EP400: variants seen among roughly 807,000 people sequenced by gnomAD.
The protein encoded by EP400 is E1A binding protein p400, also known as E1A-binding protein p400.
A neutral mutation model predicts 354.1 loss-of-function variants in EP400; 105 were observed. The observed-to-expected ratio is 0.30, with a 90% CI of 0.25 to 0.35. The LOEUF is 0.35. Ranked by LOEUF, EP400 falls within the 10% of genes least tolerant of loss-of-function variation. The pLI is 1.00. For synonymous variants in EP400, 1,646 were observed against 1,716.9 expected (o/e 0.96, Z 1.02); for missense variants, 3,280 against 4,121.0 (o/e 0.80, Z 5.59).
intron 39 of EP400, among the ~76,000 whole-genome samples, chr12:132,047,904 C>T (rs1008088760): frequency 1.2e-4 from 18 of 152,172 alleles, no homozygotes; most frequent in African/African-American, 2.7e-4. Context: ...CCCTCAGAGA[C>T]GCATTCTCTT....
intron 30 of EP400, among the ~76,000 whole-genome samples, 184 bp from the exon 31 acceptor site, chr12:132,037,498 C>T (rs879668625): frequency 1.2e-4 from 19 of 152,102 alleles, no homozygotes; most frequent in Non-Finnish European, 1.8e-4. Context: ...CTCTGGGAGG[C>T]GGGAGAGCTA....
chr12:132,047,664 A>C (rs1172449898), intron 39 of EP400, among the ~76,000 whole-genome samples: 1 of 152,268 alleles, frequency 6.6e-6, no homozygotes. Context: ...CCACAGGACC[A>C]GGGCGAAATT....
In EP400 at chr12:132,045,574, G is replaced by C. The variant is rs749024942; in HGVS notation, c.7026+14G>C. On this transcript the variant is annotated intron_variant, in intron 38 of 52. Coordinates refer to ENST00000389561, the MANE Select transcript of EP400 (RefSeq NM_015409.5). ...GCGCTGCTGCAGGTAGGTGGGCGTG[G>C]TCTTTGTGCCAGCGGTCATGTGCGG... 9.4e-5 allele frequency: 152 copies of C among 1,613,066 alleles called. 2 individuals are homozygous for C. The Admixed American group carries it at 1.3e-3, about 14-fold the overall frequency.
Position 132,029,737 on chromosome 12 carries a change from C to T in EP400, c.5418C>T (p.Pro1806=), listed in dbSNP as rs754786193. Residue 1806 remains proline (P), a synonymous_variant, in exon 28 of 53, where the codon CCC becomes CCT. Transcript: ENST00000389561. The surrounding 1 kb of genome is among the most constrained non-coding windows in gnomAD (Gnocchi z 4.7). ...TGATTCCTCCGGTGGTGGCAGCACC[C>T]CCGTCCCTACGGGTGCCGCGGCCGC... is the stretch of plus-strand genomic sequence containing the variant. ...AFVIPPVVAA[P]PSLRVPRPPP... The T allele has an allele frequency of 6.8e-6, 11 of 1,613,136 alleles. No individual in the cohort carries two copies. The highest frequency in any genetic ancestry group is 1.1e-5 in the South Asian group (1 of 91,062).
intron 10 of EP400, among the ~76,000 whole-genome samples, chr12:131,991,884 G>A (rs1343445865): frequency 2.0e-5 from 3 of 152,260 alleles, no homozygotes; most frequent in East Asian, 1.9e-4. Flanking sequence ...ACCGTGCCCC[G>A]CCTATTACTC....
Position 132,044,678 on chromosome 12 carries a change from T to A in EP400, c.6593T>A (p.Val2198Asp). The part of the protein sequence containing the change: ...TREDAYSMEY[V>D]YEDVDGQTEV... Reference sequence around the variant, plus strand: ...TTGCCGTGTTCCCTACAGGAGTATGTCTACGAAGATGTCGATGGGCAGACA... The same window carrying A: ...TTGCCGTGTTCCCTACAGGAGTATGACTACGAAGATGTCGATGGGCAGACA... Residue 2198 changes from valine to aspartate, a missense_variant, in exon 36 of 53, where the codon GTC becomes GAC. Physicochemically the swap from Val to Asp is radical, Grantham distance 152. Around this residue, in one of 20 missense-constraint regions of EP400, gnomAD observed 231 missense variants for 257.9 expected, o/e 0.90. Transcript: ENST00000389561. The A allele has an allele frequency of 2.5e-6, 4 of 1,614,176 alleles. No individual in the cohort carries two copies. Among genetic ancestry groups the A allele is most frequent in the Non-Finnish European group, 2.5e-6 (3 of 1,180,034 alleles).
chr12:132,061,084 G>C (rs1386020036), intron 45 of EP400, among the ~76,000 whole-genome samples: 1 of 152,170 alleles, frequency 6.6e-6, no homozygotes, highest in African/African-American at 2.4e-5. Flanking sequence ...GAGCTCACTG[G>C]GGTTAGAAAG....
At position 132,043,690 on chromosome 12, in the gene EP400, C is replaced by G. The variant is rs780336362; in HGVS notation, c.6412C>G (p.His2138Asp). 2.5e-6 allele frequency: 4 copies of G among 1,611,662 alleles called. No individual in the cohort carries two copies. The highest frequency in any genetic ancestry group is 3.4e-6 in the Non-Finnish European group (4 of 1,179,472). The part of the protein sequence containing the change: ...KYALNYLELF[H>D]TSIEQEKERN... ...TGCTTTAAATTACCTGGAATTATTC[C>G]ATACTTCTATTGAGCAAGAAAAGGA... is the stretch of plus-strand genomic sequence containing the variant. Residue 2138 changes from histidine to aspartate, a missense_variant, in exon 34 of 53, where the codon CAT becomes GAT. Physicochemically the swap from His to Asp is moderately conservative, Grantham distance 81 (BLOSUM62 -1). Transcript: ENST00000389561.
chr12:131,953,756 T>C (rs1891598570), intron 1 of EP400, among the ~76,000 whole-genome samples: 1 of 152,222 alleles, frequency 6.6e-6, no homozygotes. Flanking sequence ...TATCATCTTA[T>C]ATTGAAAGTA....
intron 16 of EP400, among the ~76,000 whole-genome samples, 170 bp from the exon 17 acceptor site, chr12:132,012,837 CAT>C (rs1593345983): frequency 1.3e-5 from 2 of 152,172 alleles, no homozygotes; most frequent in East Asian, 3.8e-4. Flanking sequence ...GAGATAAAAA[CAT>C]AAACACAGCC....
intron 45 of EP400, among the ~76,000 whole-genome samples, chr12:132,056,611 G>C (rs1895525370): frequency 6.6e-6 from 1 of 152,184 alleles, no homozygotes; most frequent in African/African-American, 2.4e-5. Flanking sequence ...TCACAGGCCT[G>C]CATGTAAAAG....
chr12:132,041,427 G>A (rs1334791536), intron 32 of EP400, among the ~76,000 whole-genome samples: 1 of 152,248 alleles, frequency 6.6e-6, no homozygotes, highest in Admixed American at 6.5e-5. Flanking sequence ...TGCCTCTTGC[G>A]AATTCTGACA....
intron 44 of EP400, 34 bp from the exon 45 acceptor site, chr12:132,055,065 G>C: frequency 6.2e-7 from 1 of 1,613,776 alleles, no homozygotes. Context: ...CATTTCTCCT[G>C]GCGCTGTTGC....
At position 131,994,763 on chromosome 12, in the gene EP400, T is replaced by C. The variant is rs1893148686; in HGVS notation, c.2738-104T>C. On this transcript the variant is annotated intron_variant, in intron 11 of 52. Coordinates refer to ENST00000389561, the MANE Select transcript of EP400 (RefSeq NM_015409.5). The surrounding 1 kb of genome is among the most constrained non-coding windows in gnomAD (Gnocchi z 4.6). ...AGTTTAAAAGCTCAGTTTCAATTTC[T>C]GTAATAGCTATGCAAAATAATTTCG... is the stretch of plus-strand genomic sequence containing the variant. 3.4e-6 allele frequency: 3 copies of C among 879,574 alleles called. No individual in the cohort carries two copies. Among genetic ancestry groups the C allele is most frequent in the Non-Finnish European group, 3.5e-6 (2 of 573,536 alleles). 54.5% of individuals were successfully genotyped at this position (879,574 alleles called of 1,614,324 possible). A position where few individuals can be genotyped will look rare whatever the true frequency, so the allele number is the denominator to read the frequency against.
At position 132,027,991 on chromosome 12, in the gene EP400, C is replaced by T; in HGVS notation, c.5110-26C>T. The T allele has an allele frequency of 6.2e-7, 1 of 1,603,464 alleles. No individual in the cohort carries two copies. On this transcript the variant is annotated intron_variant, in intron 26 of 52. Transcript: ENST00000389561. The surrounding 1 kb of genome is among the most constrained non-coding windows in gnomAD (Gnocchi z 4.9). ...ACTTGTCATTCTGTTTCTCAAGTAA[C>T]TGTTTTTCATCACTTTTTGATAAAG... is the stretch of plus-strand genomic sequence containing the variant.
chr12:132,022,966 G>C (rs1894170028), intron 23 of EP400, among the ~76,000 whole-genome samples: 1 of 151,992 alleles, frequency 6.6e-6, no homozygotes, highest in African/African-American at 2.4e-5. Context: ...TACATTCTTA[G>C]ATTTTGAAGA....
intron 32 of EP400, among the ~76,000 whole-genome samples, chr12:132,040,272 C>T (rs541890967): frequency 9.9e-5 from 15 of 152,102 alleles, no homozygotes; most frequent in Admixed American, 2.6e-4. Flanking sequence ...TCCCTGGGAA[C>T]GTCGTTGGCA....
intron 2 of EP400, among the ~76,000 whole-genome samples, chr12:131,979,005 A>G (rs919545886): frequency 2.0e-5 from 3 of 152,072 alleles, no homozygotes; most frequent in Non-Finnish European, 2.9e-5. Context: ...TCATGAGGTC[A>G]GGAGATCAAG....
intron 45 of EP400, among the ~76,000 whole-genome samples, chr12:132,058,424 G>T (rs1287157311): frequency 1.3e-5 from 2 of 148,824 alleles, no homozygotes; most frequent in Non-Finnish European, 3.0e-5. Flanking sequence ...GTGCGATCTC[G>T]GCTCACTGCA....
Sources: allele counts gnomAD v4.1 joint callset (sites outside exome capture counted in the v4.1 genomes callset), GRCh38; gene constraint gnomAD v4.1.1; regional missense constraint gnomAD v4.1.1; non-coding constraint Gnocchi (gnomAD v3.1); transcripts MANE v1.5; gene names NCBI Gene and HGNC (gene_info 2026-07-23, HGNC 2026-07-21).